The following SARS1 variants were observed in gnomAD, a reference collection of about 807,000 sequenced individuals.
The protein encoded by SARS1 is seryl-tRNA synthetase 1.
A neutral mutation model predicts 63.7 loss-of-function variants in SARS1; 25 were observed. That is an observed-to-expected ratio of 0.39 (90% confidence interval 0.29 to 0.55). The LOEUF is 0.55. SARS1 is among the 20% of genes least tolerant of loss of function. SARS1 has a pLI of 0.62. For missense variants in SARS1, 417 were observed against 649.7 expected (o/e 0.64, Z 3.89); for synonymous variants, 231 against 243.5 (o/e 0.95, Z 0.48).
chr1:109,224,718 G>A (rs1293407301), intron 2 of SARS1, among the ~76,000 whole-genome samples: 2 of 152,034 alleles, frequency 1.3e-5, no homozygotes, highest in African/African-American at 2.4e-5. Context: ...CTATGTTTCA[G>A]CTCAGCTTTT....
chr1:109,225,288 A>T (rs1207647804), intron 2 of SARS1, among the ~76,000 whole-genome samples: 1 of 152,196 alleles, frequency 6.6e-6, no homozygotes, highest in East Asian at 1.9e-4. Context: ...GGCAGTCGGC[A>T]TCTTTCTCTT....
At chr1:109,213,896 A>G (rs1654722062), upstream of SARS1, 1 of 1,444,208 alleles carries the variant, frequency 6.9e-7, no homozygotes, top group Non-Finnish European at 9.2e-7. Flanking sequence ...CCTGCGCAGG[A>G]AGGGCGGGTC....
Position 109,214,782 on chromosome 1 carries a change from G to T in SARS1, c.136+654G>T. On this transcript the variant is annotated intron_variant, in intron 1 of 10. Transcript: ENST00000234677. This position sits in a 1 kb window ranked among gnomAD's most constrained non-coding sequence, Gnocchi z 4.6. ...AGGCGAGCAAAAGATTGTAATGACTGAAGCTGTTTAATTGTGATTTGTGGA... is the reference window on the plus strand; with the variant it reads ...AGGCGAGCAAAAGATTGTAATGACTTAAGCTGTTTAATTGTGATTTGTGGA... The T allele has an allele frequency of 1.0e-6, 1 of 985,490 alleles. No homozygotes were observed. The highest frequency in any genetic ancestry group is 1.2e-6 in the Non-Finnish European group (1 of 829,954). The allele number at this position is 985,490 out of a possible 1,614,324, so 61.0% of individuals were successfully genotyped here. A position where few individuals can be genotyped will look rare whatever the true frequency, so the allele number is the denominator to read the frequency against.
intron 1 of SARS1, among the ~76,000 whole-genome samples, chr1:109,218,468 A>G (rs1654845607): frequency 6.7e-6 from 1 of 148,238 alleles, no homozygotes; most frequent in African/African-American, 2.5e-5. Context: ...CACTTAAAGC[A>G]CCACTCTGTT....
chr1:109,224,488 A>G (rs562927880), intron 2 of SARS1, among the ~76,000 whole-genome samples: 71 of 152,310 alleles, frequency 4.7e-4, no homozygotes, highest in Admixed American at 1.3e-3. Context: ...TAAAATGACA[A>G]TACTAACACT....
intron 6 of SARS1, among the ~76,000 whole-genome samples, chr1:109,233,317 A>G (rs1237003751): frequency 1.3e-5 from 2 of 152,016 alleles, no homozygotes; most frequent in African/African-American, 4.8e-5. Context: ...AGCCCAATTT[A>G]ATTTAAATAG....
At position 109,237,389 on chromosome 1, in the gene SARS1, C is replaced by G. The variant is rs1313202906; in HGVS notation, c.1387+16C>G. 1 of 1,614,170 alleles carries G rather than the reference C, an allele frequency of 6.2e-7. No homozygotes were observed. Among genetic ancestry groups the G allele is most frequent in the Admixed American group, 1.7e-5 (1 of 60,030 alleles). ...ATGCCGCCAGGTAAAACTCCCAGCT[C>G]ATCTCATCGTTCTCCTCTTTTCTGT... On this transcript the variant is annotated intron_variant, in intron 10 of 10. Transcript: ENST00000234677. This position sits in a 1 kb window ranked among gnomAD's most constrained non-coding sequence, Gnocchi z 4.1.
chr1:109,221,305 C>A (rs1006816730), intron 1 of SARS1, among the ~76,000 whole-genome samples: 1 of 152,166 alleles, frequency 6.6e-6, no homozygotes, highest in Admixed American at 6.5e-5. Flanking sequence ...ATGATCCGCC[C>A]GCCTCGGCCT....
At chr1:109,217,541 A>G (rs1156487584) in intron 1 of SARS1, among the ~76,000 whole-genome samples, 1 of 148,974 alleles carries the variant, frequency 6.7e-6, no homozygotes, top group Non-Finnish European at 1.5e-5. Flanking sequence ...CAAAAGTTAT[A>G]TATATATAAA....
intron 2 of SARS1, 103 bp from the exon 3 acceptor site, chr1:109,228,249 C>G (rs1292922529): frequency 1.2e-6 from 1 of 858,868 alleles, no homozygotes; most frequent in African/African-American, 1.7e-5. Flanking sequence ...GTAAGAAGTT[C>G]TGTGATTCAT....
intron 9 of SARS1, chr1:109,236,936 C>T (rs2101209860): frequency 6.6e-7 from 1 of 1,520,820 alleles, no homozygotes; most frequent in Non-Finnish European, 8.8e-7. Flanking sequence ...AAGTCAGGTG[C>T]TTGAAAGGGG....
rs775211404 is a variant in SARS1, at chr1:109,236,004, C to G, written c.997C>G (p.His333Asp). The G allele has an allele frequency of 6.2e-7, 1 of 1,612,950 alleles. No individual in the cohort carries two copies. The highest frequency in any genetic ancestry group is 8.5e-7 in the Non-Finnish European group (1 of 1,179,360). The change falls in exon 8 of 11, where the codon CAT (histidine) becomes GAT (aspartate). Residue 333 changes from histidine to aspartate, a missense_variant. Physicochemically the swap from His to Asp is moderately conservative, Grantham distance 81 (BLOSUM62 -1). This residue lies in a region of SARS1 where 359 missense variants were observed against 529.6 expected (regional missense o/e 0.68). Coordinates refer to ENST00000234677, the MANE Select transcript of SARS1 (RefSeq NM_006513.4). ...KIEQFVYSSP[H>D]DNKSWEMFEE... ...TGAACAGTTTGTGTACTCATCACCCCATGACAACAAGTCATGGGAGATGTT... is the reference window on the plus strand; with the variant it reads ...TGAACAGTTTGTGTACTCATCACCCGATGACAACAAGTCATGGGAGATGTT...
intron 6 of SARS1, among the ~76,000 whole-genome samples, chr1:109,233,298 A>G (rs556149320): frequency 2.0e-5 from 3 of 152,260 alleles, no homozygotes; most frequent in African/African-American, 7.2e-5. Context: ...GGTGTGAGCC[A>G]CTATGCCCAG....
At chr1:109,225,638 G>A (rs548339181) in intron 2 of SARS1, among the ~76,000 whole-genome samples, 1 of 152,330 alleles carries the variant, frequency 6.6e-6, no homozygotes, top group East Asian at 1.9e-4. Flanking sequence ...GCACTCGAAA[G>A]CATTCAGATA....
intron 1 of SARS1, among the ~76,000 whole-genome samples, chr1:109,222,549 C>G (rs946303647): frequency 2.0e-5 from 3 of 152,274 alleles, no homozygotes; most frequent in East Asian, 3.9e-4. Flanking sequence ...ATCTATTATC[C>G]ATCTCTATAG....
chr1:109,213,947 C>G lies in SARS1; in HGVS notation c.-46C>G. 6.4e-7 allele frequency: 1 copy of G among 1,566,738 alleles called. No homozygotes were observed. Among genetic ancestry groups the G allele is most frequent in the Non-Finnish European group, 8.7e-7 (1 of 1,153,744 alleles). On this transcript the variant is annotated 5_prime_UTR_variant, in exon 1 of 11. Coordinates refer to ENST00000234677, the MANE Select transcript of SARS1 (RefSeq NM_006513.4). Reference sequence around the variant, plus strand: ...TGCGGCGGTCACAGGCTGAGTGCTGCGGCGCGATCCTTGCTTCCCTGAGCG... The same window carrying G: ...TGCGGCGGTCACAGGCTGAGTGCTGGGGCGCGATCCTTGCTTCCCTGAGCG...
At chr1:109,215,362 A>G in intron 1 of SARS1, 5 of 985,468 alleles carry the variant, frequency 5.1e-6, no homozygotes, top group Non-Finnish European at 6.0e-6. Context: ...AGCCAGTGCT[A>G]AATGACTTTG....
intron 6 of SARS1, among the ~76,000 whole-genome samples, chr1:109,233,630 C>T (rs1655250741): frequency 6.6e-6 from 1 of 151,908 alleles, no homozygotes; most frequent in South Asian, 2.1e-4. Flanking sequence ...GTTGTTTTCA[C>T]ATACTTATAA....
chr1:109,235,971 C>T lies in SARS1; in HGVS notation c.970-6C>T. ...TGTCACCGTTTCCTTGGGTCCCTCT[C>T]TGCAGATTGAACAGTTTGTGTACTC... On this transcript the variant is annotated splice_region_variant and splice_polypyrimidine_tract_variant and intron_variant, in intron 7 of 10. Transcript: ENST00000234677. The surrounding 1 kb of genome is among the most constrained non-coding windows in gnomAD (Gnocchi z 4.7). 1 of 1,601,850 alleles carries T rather than the reference C, an allele frequency of 6.2e-7. No individual in the cohort carries two copies. The highest frequency in any genetic ancestry group is 8.5e-7 in the Non-Finnish European group (1 of 1,175,162).
Sources: gnomAD v4.1 joint callset for allele counts (sites outside exome capture counted in the v4.1 genomes callset) on GRCh38, gnomAD v4.1.1 for gene constraint, gnomAD v4.1.1 regional missense constraint, Gnocchi (gnomAD v3.1) non-coding constraint, MANE v1.5 for transcripts, NCBI Gene and HGNC (gene_info 2026-07-23, HGNC 2026-07-21) for gene names.